HTR2C: variants seen among roughly 807,000 people sequenced by gnomAD.
HTR2C encodes 5-hydroxytryptamine (serotonin) receptor 2C, G protein-coupled.
In HTR2C, 5 loss-of-function variants were observed where a neutral mutation model predicts 21.0. The observed-to-expected ratio is 0.24, with a 90% CI of 0.12 to 0.50. The LOEUF is 0.50. HTR2C is among the 20% of genes least tolerant of loss of function. The probability of loss-of-function intolerance (pLI) is 0.98; values close to 1 mark genes in which losing one functional copy is unlikely to be tolerated. For synonymous variants in HTR2C, 150 were observed against 145.3 expected (o/e 1.03, Z -0.23); for missense variants, 271 against 371.2 (o/e 0.73, Z 2.22).
At position 114,737,467 on chromosome X, in the gene HTR2C, G is replaced by A. The variant is rs782762440; in HGVS notation, c.349+5860G>A. Among the ~76,000 whole-genome samples, 5 of 110,748 alleles carry A rather than the reference G, an allele frequency of 4.5e-5. No homozygotes were observed. In the East Asian group the frequency reaches 1.1e-3, roughly 25 times the overall value. On this transcript the variant is annotated intron_variant, in intron 4 of 5. Transcript: ENST00000276198. ...ACTCCTGACCTCAAGTGATCCGCCC[G>A]CCTCAGTCTCCCAAAGTGCTATGAT...
At chrX:114,850,673 A>G (rs1368232222) in intron 5 of HTR2C, among the ~76,000 whole-genome samples, 2 of 110,822 alleles carry the variant, frequency 1.8e-5, no homozygotes, top group African/African-American at 6.6e-5. Flanking sequence ...GTCTCTACAA[A>G]TAAAAGATAA....
chrX:114,676,204 G>T (rs191904386), intron 2 of HTR2C, among the ~76,000 whole-genome samples: 218 of 111,478 alleles, frequency 2.0e-3, no homozygotes, highest in Non-Finnish European at 3.2e-3. Context: ...CTCATATTGT[G>T]TAGGTAAATA....
chrX:114,777,923 C>T (rs1025391296), intron 4 of HTR2C, among the ~76,000 whole-genome samples: 5 of 111,780 alleles, frequency 4.5e-5, no homozygotes, highest in African/African-American at 9.8e-5. Context: ...TCAGTTCCAA[C>T]GAAAATCCTG....
chrX:114,640,814 G>A (rs781972457), intron 2 of HTR2C, among the ~76,000 whole-genome samples: 104 of 110,796 alleles, frequency 9.4e-4, no homozygotes, highest in Non-Finnish European at 1.4e-3. Flanking sequence ...CTATCTTATG[G>A]ATTTGTGATA....
chrX:114,740,896 G>A (rs1319286396), intron 4 of HTR2C, among the ~76,000 whole-genome samples: 2 of 111,391 alleles, frequency 1.8e-5, no homozygotes, highest in African/African-American at 3.3e-5. Flanking sequence ...GTATAAGTGT[G>A]TAGGTATACC....
intron 5 of HTR2C, among the ~76,000 whole-genome samples, chrX:114,851,165 C>T (rs1431643120): frequency 3.6e-5 from 4 of 111,521 alleles, no homozygotes; most frequent in South Asian, 7.3e-4. Context: ...CTACAATCAT[C>T]GCATAAGATC....
chrX:114,773,451 AAAAGTTAAATTTT>A (rs1386451167), intron 4 of HTR2C, among the ~76,000 whole-genome samples: 2 of 112,362 alleles, frequency 1.8e-5, no homozygotes, highest in East Asian at 2.8e-4. Flanking sequence ...TCAGTTTTCC[AAAAGTTAAATTTT>A]AAAGTAATCT....
intron 2 of HTR2C, among the ~76,000 whole-genome samples, chrX:114,624,883 A>T (rs1244216567): frequency 2.7e-5 from 3 of 111,988 alleles, no homozygotes; most frequent in Non-Finnish European, 1.9e-5. Context: ...GGGGAAAAAA[A>T]ATGAAGAAAG....
At chrX:114,703,487 A>G (rs782380344) in intron 2 of HTR2C, among the ~76,000 whole-genome samples, 1 of 110,958 alleles carries the variant, frequency 9.0e-6, no homozygotes, top group East Asian at 2.8e-4. Flanking sequence ...ATGAAGGCAG[A>G]CATAAAGATG....
At chrX:114,776,392 CTTCA>C in intron 4 of HTR2C, 1 of 762,666 alleles carries the variant, frequency 1.3e-6, no homozygotes. Context: ...CTGCAATTTC[CTTCA>C]TCTTTGTCAG....
chrX:114,723,588 G>A (rs1272839639), intron 2 of HTR2C, among the ~76,000 whole-genome samples: 83 of 107,867 alleles, frequency 7.7e-4, no homozygotes, highest in African/African-American at 2.5e-3. Flanking sequence ...TGCTTTTCTA[G>A]TTCTTTTAAT....
At chrX:114,818,004 G>A (rs1309591214) in intron 4 of HTR2C, among the ~76,000 whole-genome samples, 2 of 111,260 alleles carry the variant, frequency 1.8e-5, no homozygotes, top group African/African-American at 3.3e-5. Context: ...CTGTGACAAT[G>A]GTGTTATCTC....
chrX:114,851,263 A>G (rs949984821), intron 5 of HTR2C, among the ~76,000 whole-genome samples: 31 of 112,054 alleles, frequency 2.8e-4, no homozygotes, highest in African/African-American at 1.0e-3. Context: ...CCATCATTGC[A>G]CAAGAAATAT....
chrX:114,819,356 GA>G (rs1222301475), intron 4 of HTR2C, among the ~76,000 whole-genome samples: 1 of 111,763 alleles, frequency 8.9e-6, no homozygotes, highest in Non-Finnish European at 1.9e-5. Context: ...GAAAAGGAGA[GA>G]AAAAAATTTA....
chrX:114,780,108 C>G (rs2070102384), intron 4 of HTR2C, among the ~76,000 whole-genome samples: 1 of 111,441 alleles, frequency 9.0e-6, no homozygotes, highest in South Asian at 3.7e-4. Flanking sequence ...TATAAGTAAT[C>G]TAGAGATGAT....
intron 2 of HTR2C, among the ~76,000 whole-genome samples, chrX:114,698,443 C>A (rs1341076096): frequency 1.7e-4 from 5 of 29,152 alleles, no homozygotes; most frequent in African/African-American, 2.8e-4. Context: ...GGCACAAACA[C>A]ACACACACAC....
Position 114,908,958 on chromosome X carries a change from GTTAC to G in HTR2C, c.*1548_*1551del, listed in dbSNP as rs782820017. 3 of 112,413 alleles carry G rather than the reference GTTAC, an allele frequency of 2.7e-5. No individual in the cohort carries two copies. The highest frequency in any genetic ancestry group is 5.6e-5 in the Non-Finnish European group (3 of 53,295). The allele number at this position is 112,413 out of a possible 1,213,427, so 9.3% of individuals were successfully genotyped here. ...ATGATGCTAGTTCTTACGCTTGACA[GTTAC>G]TTACACACCTGAGAATGTGCCTCTC... On this transcript the variant is annotated 3_prime_UTR_variant, in exon 6 of 6. Coordinates refer to ENST00000276198, the MANE Select transcript of HTR2C (RefSeq NM_000868.4).
At chrX:114,713,879 TAC>T in intron 2 of HTR2C, among the ~76,000 whole-genome samples, 1 of 111,034 alleles carries the variant, frequency 9.0e-6, no homozygotes, top group East Asian at 2.8e-4. Flanking sequence ...GACACACACA[TAC>T]ACACACAGAG....
chrX:114,689,208 G>GTGTGTATATATATATA (rs1556414750), intron 2 of HTR2C, among the ~76,000 whole-genome samples: 4 of 72,721 alleles, frequency 5.5e-5, no homozygotes, highest in Admixed American at 3.5e-4. Context: ...GTATGTATGC[G>GTGTGTATATATATATA]TATATATATA....
Sources: allele counts gnomAD v4.1 joint callset (sites outside exome capture counted in the v4.1 genomes callset), GRCh38; gene constraint gnomAD v4.1.1; transcripts MANE v1.5; gene names NCBI Gene and HGNC (gene_info 2026-07-23, HGNC 2026-07-21).